The following CPNE9 variants were observed in gnomAD, a reference collection of about 807,000 sequenced individuals.
CPNE9 encodes the protein copine family member 9.
CPNE9 carries 59 observed loss-of-function variants against 83.0 expected under a neutral mutation model. The ratio of observed to expected loss-of-function variants is 0.71; its 90% CI spans 0.58 to 0.88. The LOEUF (loss-of-function observed/expected upper bound fraction) is 0.88, where lower values mean the gene tolerates loss of function less well. Among genes scored for constraint, CPNE9 ranks in the 40% least tolerant of loss-of-function variants. CPNE9 has a pLI of 0.00. For synonymous variants in CPNE9, 256 were observed against 273.4 expected (o/e 0.94, Z 0.63); for missense variants, 619 against 720.8 (o/e 0.86, Z 1.62).
At position 9,703,913 on chromosome 3, in the gene CPNE9, G is replaced by T; in HGVS notation, c.-84G>T. 8.4e-7 allele frequency: 1 copy of T among 1,186,196 alleles called. No individual in the cohort carries two copies. The highest frequency in any genetic ancestry group is 1.4e-5 in the South Asian group (1 of 69,010). 73.5% of individuals were successfully genotyped at this position (1,186,196 alleles called of 1,614,324 possible). ...CGCCGCCGCCGACACCGCGGCACATGGGCCGGCCCCGCCGCTGCCGTCGCC... is the reference window on the plus strand; with the variant it reads ...CGCCGCCGCCGACACCGCGGCACATTGGCCGGCCCCGCCGCTGCCGTCGCC... On this transcript the variant is annotated 5_prime_UTR_variant, in exon 1 of 21. The change abolishes an upstream ATG in the 5' untranslated region. Coordinates refer to ENST00000383832, the MANE Select transcript of CPNE9 (RefSeq NM_153635.3).
intron 17 of CPNE9, among the ~76,000 whole-genome samples, chr3:9,723,929 A>G (rs1488895389): frequency 2.6e-5 from 4 of 152,202 alleles, no homozygotes; most frequent in African/African-American, 9.7e-5. Context: ...GTCCAATAGC[A>G]CTTTCTGCAA....
rs762524744 is a variant in CPNE9 at position 9,718,599 on chromosome 3, C to T, written c.1238C>T (p.Ala413Val). ...TYFAPVINQV[A>V]RAAAKISDGS... ...TTTGCTCCTGTCATCAACCAAGTGG[C>T]CAGGTAAGGGAACTGGGTGGAAGCT... Residue 413 changes from alanine (A) to valine (V), a missense_variant, in exon 17 of 21, where the codon GCC becomes GTC. Ala to Val is a moderately conservative substitution (Grantham distance 64, BLOSUM62 0). Coordinates refer to ENST00000383832, the MANE Select transcript of CPNE9 (RefSeq NM_153635.3). 4 of 1,612,128 alleles carry T rather than the reference C, an allele frequency of 2.5e-6. No individual in the cohort carries two copies. The highest frequency in any genetic ancestry group is 2.5e-6 in the Non-Finnish European group (3 of 1,178,638).
intron 17 of CPNE9, among the ~76,000 whole-genome samples, chr3:9,725,170 A>T (rs2076766217): frequency 1.3e-5 from 2 of 152,126 alleles, no homozygotes; most frequent in African/African-American, 2.4e-5. Context: ...CTCACTCCAG[A>T]GGGCTGGGAT....
In CPNE9 at chr3:9,707,809, C is replaced by T. The variant is rs1052937219; in HGVS notation, c.377+1746C>T. On this transcript the variant is annotated intron_variant, in intron 7 of 20. Coordinates refer to ENST00000383832, the MANE Select transcript of CPNE9 (RefSeq NM_153635.3). ...AAAAAGACAAAAAAAAAAAAAAAAA[C>T]GTGAAGGAGAAGCAAGTTGGAGGAG... is the stretch of plus-strand genomic sequence containing the variant. 2.2e-5 allele frequency among the ~76,000 whole-genome samples: 3 copies of T among 136,604 alleles called. No individual in the cohort carries two copies. In the East Asian group the frequency reaches 6.3e-4, roughly 29 times the overall value. The allele number at this position is 136,604 out of a possible 152,430, so 89.6% of individuals were successfully genotyped here. A position where few individuals can be genotyped will look rare whatever the true frequency, so the allele number is the denominator to read the frequency against.
chr3:9,722,579 C>T (rs746422432), intron 17 of CPNE9, among the ~76,000 whole-genome samples: 2 of 151,968 alleles, frequency 1.3e-5, no homozygotes, highest in Non-Finnish European at 2.9e-5. Context: ...GGTACCATTA[C>T]AGCTCACAGC....
intron 7 of CPNE9, among the ~76,000 whole-genome samples, chr3:9,708,916 G>A (rs1376752398): frequency 1.3e-5 from 2 of 151,668 alleles, no homozygotes; most frequent in Admixed American, 6.6e-5. Context: ...TTACAGGCGT[G>A]AGCCACCGCA....
At chr3:9,715,186 G>A in intron 11 of CPNE9, 103 bp from the exon 12 acceptor site, 5 of 1,310,488 alleles carry the variant, frequency 3.8e-6, no homozygotes, top group Non-Finnish European at 5.4e-6. Context: ...AGGCTGCCCT[G>A]CAGCCTAAGT....
At chr3:9,725,338 C>T (rs2076767817) in intron 17 of CPNE9, among the ~76,000 whole-genome samples, 1 of 151,830 alleles carries the variant, frequency 6.6e-6, no homozygotes, top group African/African-American at 2.4e-5. Flanking sequence ...AGTTTGAGAC[C>T]AGCCTGGCCA....
rs368004219 is a variant in CPNE9, at chr3:9,704,882, C to T, written c.157-9C>T. The stretch of plus-strand genomic sequence containing the variant: ...ACGTCCCACGCTGACCCTCCACCCC[C>T]CTACCCAGTTCGGACGGACCGAGGT... On this transcript the variant is annotated splice_polypyrimidine_tract_variant and intron_variant, in intron 3 of 20. Transcript: ENST00000383832. The surrounding 1 kb of genome is among the most constrained non-coding windows in gnomAD (Gnocchi z 7.1). The T allele has an allele frequency of 2.3e-5, 37 of 1,611,052 alleles. No homozygotes were observed. Among genetic ancestry groups the T allele is most frequent in the African/African-American group, 1.6e-4 (12 of 74,870 alleles).
At chr3:9,710,388 T>C (rs2076614828) in intron 7 of CPNE9, among the ~76,000 whole-genome samples, 1 of 151,906 alleles carries the variant, frequency 6.6e-6, no homozygotes, top group Non-Finnish European at 1.5e-5. Context: ...GTAGGTGTGG[T>C]GGTGGGTGGA....
rs755467147 is a variant in CPNE9 at position 9,704,926 on chromosome 3, C to G, written c.192C>G (p.Asn64Lys). The G allele has an allele frequency of 6.2e-7, 1 of 1,613,536 alleles. No homozygotes were observed. The highest frequency in any genetic ancestry group is 1.1e-5 in the South Asian group (1 of 91,046). ...GRTEVIDNTLNPDFVRKFVLD... is the reference protein window; with the variant it reads ...GRTEVIDNTLKPDFVRKFVLD... Reference sequence around the variant, plus strand: ...CCGAGGTGATTGATAACACGCTGAACCCAGACTTCGTGCGCAAATTCGTCC... The same window carrying G: ...CCGAGGTGATTGATAACACGCTGAAGCCAGACTTCGTGCGCAAATTCGTCC... Residue 64 changes from asparagine (N) to lysine (K), a missense_variant, in exon 4 of 21, where the codon AAC becomes AAG. Transcript: ENST00000383832. This position sits in a 1 kb window ranked among gnomAD's most constrained non-coding sequence, Gnocchi z 7.1.
rs1193329292 is a variant in CPNE9, at chr3:9,704,301, T to C, written c.68+237T>C. On this transcript the variant is annotated intron_variant, in intron 1 of 20. Coordinates refer to ENST00000383832, the MANE Select transcript of CPNE9 (RefSeq NM_153635.3). This position sits in a 1 kb window ranked among gnomAD's most constrained non-coding sequence, Gnocchi z 7.1. Reference sequence around the variant, plus strand: ...CAGGGGGTGGGTCGCAGATATCCGGTAGGAGCTCGGCCCCAGGAGGACAAA... The same window carrying C: ...CAGGGGGTGGGTCGCAGATATCCGGCAGGAGCTCGGCCCCAGGAGGACAAA... Among the ~76,000 whole-genome samples the C allele has an allele frequency of 6.6e-6, 1 of 152,166 alleles. No individual in the cohort carries two copies. The highest frequency in any genetic ancestry group is 2.4e-5 in the African/African-American group (1 of 41,456).
Position 9,705,454 on chromosome 3 carries a change from CT to C in CPNE9, c.261-6del, listed in dbSNP as rs1228633337. The C allele has an allele frequency of 1.6e-6, 2 of 1,287,322 alleles. No individual in the cohort carries two copies. Among genetic ancestry groups the C allele is most frequent in the Admixed American group, 2.1e-5 (1 of 46,984 alleles). 79.7% of individuals were successfully genotyped at this position (1,287,322 alleles called of 1,614,324 possible). ...AGCCCCACCCCACACCGGTTCCACT[CT>C]TTTCCCAGGTACAACGTGGACTCCA... On this transcript the variant is annotated splice_polypyrimidine_tract_variant and intron_variant, in intron 4 of 20. Coordinates refer to ENST00000383832, the MANE Select transcript of CPNE9 (RefSeq NM_153635.3).
chr3:9,719,611 T>C (rs1290471757), intron 17 of CPNE9, among the ~76,000 whole-genome samples: 6 of 152,202 alleles, frequency 3.9e-5, no homozygotes, highest in Non-Finnish European at 5.9e-5. Flanking sequence ...GTGTAACAAG[T>C]ATTAGCACAG....
intron 7 of CPNE9, among the ~76,000 whole-genome samples, chr3:9,708,942 G>C (rs2125461566): frequency 6.7e-6 from 1 of 150,088 alleles, no homozygotes; most frequent in East Asian, 2.1e-4. Context: ...CCCAAGTCAA[G>C]GAAACTTTCA....
At position 9,718,563 on chromosome 3, in the gene CPNE9, G is replaced by A; in HGVS notation, c.1202G>A (p.Gly401Glu). ...FQSLRTVQLY[G>E]PTYFAPVINQ... The stretch of plus-strand genomic sequence containing the variant: ...AGCCTGCGCACAGTGCAGCTCTATG[G>A]GCCCACCTACTTTGCTCCTGTCATC... The change falls in exon 17 of 21, where the codon GGG (glycine) becomes GAG (glutamate). Residue 401 changes from glycine to glutamate, a missense_variant. By Grantham distance (98) the Gly-to-Glu change is moderately conservative (BLOSUM62 -2). Coordinates refer to ENST00000383832, the MANE Select transcript of CPNE9 (RefSeq NM_153635.3). 6.2e-7 allele frequency: 1 copy of A among 1,613,440 alleles called. No individual in the cohort carries two copies. Among genetic ancestry groups the A allele is most frequent in the Non-Finnish European group, 8.5e-7 (1 of 1,179,692 alleles).
chr3:9,717,968 A>G (rs749506647), intron 15 of CPNE9, 61 bp from the exon 16 acceptor site: 2 of 1,422,444 alleles, frequency 1.4e-6, no homozygotes, highest in Non-Finnish European at 1.9e-6. Flanking sequence ...CACAAAGATA[A>G]GCAGGTGAAC....
At chr3:9,725,676 G>GTGTA (rs1559646103) in intron 17 of CPNE9, among the ~76,000 whole-genome samples, 27 of 79,728 alleles carry the variant, frequency 3.4e-4, no homozygotes, top group Non-Finnish European at 2.2e-5. Flanking sequence ...ATATATATGT[G>GTGTA]TATATATATA....
chr3:9,715,409 A>G, intron 12 of CPNE9, 45 bp downstream of exon 12: 1 of 1,612,276 alleles, frequency 6.2e-7, no homozygotes, highest in Non-Finnish European at 8.5e-7. Context: ...CCTCCATCCC[A>G]GTGTGCTCAG....
Sources: gnomAD v4.1 joint callset for allele counts (sites outside exome capture counted in the v4.1 genomes callset) on GRCh38, gnomAD v4.1.1 for gene constraint, Gnocchi (gnomAD v3.1) non-coding constraint, MANE v1.5 for transcripts, NCBI Gene and HGNC (gene_info 2026-07-23, HGNC 2026-07-21) for gene names.